The following MAN2A1 variants were observed in gnomAD, a reference collection of about 807,000 sequenced individuals.
The protein encoded by MAN2A1 is mannosidase alpha class 2A member 1.
Under a neutral mutation model 142.6 loss-of-function variants are expected in MAN2A1, and 76 were observed. The ratio of observed to expected loss-of-function variants is 0.53; its 90% CI spans 0.44 to 0.65. The LOEUF is 0.65. Among genes scored for constraint, MAN2A1 ranks in the 30% least tolerant of loss-of-function variants. The pLI is 0.00. For synonymous variants in MAN2A1, 559 were observed against 473.2 expected (o/e 1.18, Z -2.35); for missense variants, 1,311 against 1,365.1 (o/e 0.96, Z 0.62).
At chr5:109,764,311 A>G (rs937029101) in intron 5 of MAN2A1, among the ~76,000 whole-genome samples, 2 of 152,116 alleles carry the variant, frequency 1.3e-5, no homozygotes, top group Non-Finnish European at 2.9e-5. Flanking sequence ...AATGTTTTCC[A>G]TACTTTGTTC....
chr5:109,731,539 G>C (rs1751911770), intron 4 of MAN2A1, among the ~76,000 whole-genome samples: 1 of 115,180 alleles, frequency 8.7e-6, no homozygotes, highest in Non-Finnish European at 1.7e-5. Flanking sequence ...AGTCCCCAGA[G>C]TGTGATGTTC....
chr5:109,705,090 A>G (rs1751092945), intron 1 of MAN2A1, among the ~76,000 whole-genome samples: 2 of 152,042 alleles, frequency 1.3e-5, no homozygotes, highest in African/African-American at 2.4e-5. Context: ...AATGCCACCC[A>G]TAATCCTCCC....
At chr5:109,706,533 G>T (rs182031516) in intron 1 of MAN2A1, among the ~76,000 whole-genome samples, 1 of 152,204 alleles carries the variant, frequency 6.6e-6, no homozygotes, top group African/African-American at 2.4e-5. Flanking sequence ...TGGCCAATAA[G>T]TGCGGAAACT....
At chr5:109,719,984 C>G (rs1178159968) in intron 3 of MAN2A1, among the ~76,000 whole-genome samples, 2 of 152,108 alleles carry the variant, frequency 1.3e-5, no homozygotes, top group Non-Finnish European at 2.9e-5. Context: ...AGTTTTGAAT[C>G]ATAGACCATG....
chr5:109,818,885 T>C (rs1260914654), intron 13 of MAN2A1, among the ~76,000 whole-genome samples: 1 of 152,194 alleles, frequency 6.6e-6, no homozygotes, highest in Admixed American at 6.5e-5. Context: ...TATAGAATAT[T>C]GTTACACAGC....
At chr5:109,740,371 C>A (rs1752233105) in intron 4 of MAN2A1, among the ~76,000 whole-genome samples, 1 of 152,176 alleles carries the variant, frequency 6.6e-6, no homozygotes, top group South Asian at 2.1e-4. Flanking sequence ...GCTGCTGAGC[C>A]TGGGGCTGGC....
At chr5:109,784,514 G>A (rs775151925) in intron 9 of MAN2A1, among the ~76,000 whole-genome samples, 4 of 152,110 alleles carry the variant, frequency 2.6e-5, no homozygotes, top group African/African-American at 4.8e-5. Flanking sequence ...CTAGAACAAG[G>A]ACTCCTGATA....
At chr5:109,756,660 T>C (rs1271080685) in intron 5 of MAN2A1, among the ~76,000 whole-genome samples, 1 of 152,194 alleles carries the variant, frequency 6.6e-6, no homozygotes, top group African/African-American at 2.4e-5. Context: ...GTATTTCTTA[T>C]TATCAGAACC....
chr5:109,842,293 T>A (rs1755226527), intron 16 of MAN2A1, 35 bp from the exon 17 acceptor site: 3 of 1,380,118 alleles, frequency 2.2e-6, no homozygotes, highest in Non-Finnish European at 2.9e-6. Flanking sequence ...AAGTAATTTC[T>A]TTCTATTAAT....
At chr5:109,716,876 G>A (rs1751468846) in intron 3 of MAN2A1, among the ~76,000 whole-genome samples, 1 of 152,130 alleles carries the variant, frequency 6.6e-6, no homozygotes, top group South Asian at 2.1e-4. Flanking sequence ...CACAACAGTA[G>A]CTGCTATCAT....
intron 9 of MAN2A1, among the ~76,000 whole-genome samples, chr5:109,781,894 G>A (rs780414629): frequency 3.3e-5 from 5 of 152,010 alleles, no homozygotes; most frequent in Non-Finnish European, 5.9e-5. Flanking sequence ...TGTGTTATTT[G>A]CACACCATAT....
chr5:109,731,757 A>G (rs568775159), intron 4 of MAN2A1, among the ~76,000 whole-genome samples: 1 of 151,856 alleles, frequency 6.6e-6, no homozygotes, highest in South Asian at 2.1e-4. Flanking sequence ...AATGCAGTCT[A>G]TCATTGTTGG....
intron 3 of MAN2A1, among the ~76,000 whole-genome samples, chr5:109,728,478 G>A (rs1751809098): frequency 6.6e-6 from 1 of 152,118 alleles, no homozygotes; most frequent in Non-Finnish European, 1.5e-5. Flanking sequence ...CCTGCCACCA[G>A]TAGACAGAAT....
In MAN2A1 at chr5:109,713,863, G is replaced by A; in HGVS notation, c.390+89G>A. 3.1e-6 allele frequency: 4 copies of A among 1,282,086 alleles called. No homozygotes were observed. In the South Asian group the frequency reaches 4.6e-5, roughly 15 times the overall value. The allele number at this position is 1,282,086 out of a possible 1,614,324, so 79.4% of individuals were successfully genotyped here. A position where few individuals can be genotyped will look rare whatever the true frequency, so the allele number is the denominator to read the frequency against. Reference sequence around the variant, plus strand: ...CCTGATGTCTGTTCTGACTTGGTAAGTTGCTTAAACTCTTTGGATTCTAGT... The same window carrying A: ...CCTGATGTCTGTTCTGACTTGGTAAATTGCTTAAACTCTTTGGATTCTAGT... On this transcript the variant is annotated intron_variant, in intron 2 of 21. Transcript: ENST00000261483.
rs905151069 is a variant in MAN2A1, at chr5:109,863,498, A to G, written c.3172-1538A>G. 29 of 152,352 alleles carry G rather than the reference A, an allele frequency of 1.9e-4. No individual in the cohort carries two copies. The Middle Eastern group carries it at 0.014, about 71-fold the overall frequency. The allele number at this position is 152,352 out of a possible 1,614,324, so 9.4% of individuals were successfully genotyped here. ...AGGCTCTGAACCACTCTTACTACACAGCTCGTGCACTAGCGCATTCTGCCC... is the reference window on the plus strand; with the variant it reads ...AGGCTCTGAACCACTCTTACTACACGGCTCGTGCACTAGCGCATTCTGCCC... On this transcript the variant is annotated intron_variant, in intron 20 of 21. Coordinates refer to ENST00000261483, the MANE Select transcript of MAN2A1 (RefSeq NM_002372.4).
intron 6 of MAN2A1, among the ~76,000 whole-genome samples, chr5:109,769,516 C>T (rs964928038): frequency 1.3e-5 from 2 of 152,066 alleles, no homozygotes; most frequent in Non-Finnish European, 2.9e-5. Flanking sequence ...TATTTAAAAG[C>T]TCAGGATCAT....
At chr5:109,723,634 A>G (rs1241509791) in intron 3 of MAN2A1, among the ~76,000 whole-genome samples, 3 of 152,164 alleles carry the variant, frequency 2.0e-5, no homozygotes, top group African/African-American at 7.2e-5. Context: ...CAGGTCAGAA[A>G]ACCCTCATGT....
In MAN2A1 at chr5:109,703,983, C is replaced by G. The variant is rs541663818; in HGVS notation, c.136-9537C>G. On this transcript the variant is annotated intron_variant, in intron 1 of 21. Transcript: ENST00000261483. Reference sequence around the variant, plus strand: ...ACTCATAGGGTGGAGCTGGTGCTGTCTCCTGGAACCTGTAGAAAACGTCAG... The same window carrying G: ...ACTCATAGGGTGGAGCTGGTGCTGTGTCCTGGAACCTGTAGAAAACGTCAG... 1.1e-4 allele frequency among the ~76,000 whole-genome samples: 16 copies of G among 152,298 alleles called. No homozygotes were observed. In the South Asian group the frequency reaches 3.3e-3, roughly 32 times the overall value.
chr5:109,824,825 A>C (rs539359134), intron 16 of MAN2A1, among the ~76,000 whole-genome samples: 1 of 152,228 alleles, frequency 6.6e-6, no homozygotes, highest in South Asian at 2.1e-4. Context: ...GTTAAATTTA[A>C]TTTTGCTTTT....
Sources: gnomAD v4.1 joint callset for allele counts (sites outside exome capture counted in the v4.1 genomes callset) on GRCh38, gnomAD v4.1.1 for gene constraint, MANE v1.5 for transcripts, NCBI Gene and HGNC (gene_info 2026-07-23, HGNC 2026-07-21) for gene names.